FGGY: variants seen among roughly 807,000 people sequenced by gnomAD.
FGGY encodes the protein FGGY carbohydrate kinase domain containing, also known as FGGY carbohydrate kinase domain-containing protein.
FGGY carries 72 observed loss-of-function variants against 71.3 expected under a neutral mutation model. The observed-to-expected ratio is 1.01, with a 90% CI of 0.84 to 1.23. FGGY has a LOEUF of 1.23. Ranked by LOEUF, FGGY falls within the 50% of genes most tolerant of loss-of-function variation. FGGY has a pLI of 0.00. For missense variants in FGGY, 668 were observed against 682.3 expected, an observed-to-expected ratio of 0.98 and a Z score of 0.23; for synonymous variants, 251 against 250.3, an observed-to-expected ratio of 1.00 and a Z score of -0.02.
intron 7 of FGGY, among the ~76,000 whole-genome samples, chr1:59,549,665 C>A (rs1016334782): frequency 6.6e-5 from 10 of 152,118 alleles, no homozygotes; most frequent in African/African-American, 9.7e-5. Flanking sequence ...AACACAAATG[C>A]GAGAACTCAG....
rs1053125214 is a variant in FGGY, at chr1:59,384,438, A to G, written c.554+5601A>G. Among the ~76,000 whole-genome samples, 3 of 152,162 alleles carry G rather than the reference A, an allele frequency of 2.0e-5. No individual in the cohort carries two copies. The South Asian group carries it at 6.2e-4, about 32-fold the overall frequency. The stretch of plus-strand genomic sequence containing the variant: ...CTATTTCTACTTGCATATCAAGGTG[A>G]AACAAGGAACCCCTCTGAGCTTCCT... On this transcript the variant is annotated intron_variant, in intron 5 of 15. Coordinates refer to ENST00000303721, the MANE Select transcript of FGGY (RefSeq NM_018291.5).
At chr1:59,644,217 A>G (rs1045443985) in intron 11 of FGGY, among the ~76,000 whole-genome samples, 4 of 152,198 alleles carry the variant, frequency 2.6e-5, no homozygotes, top group Admixed American at 1.3e-4. Flanking sequence ...ACCTGGTTCT[A>G]ATGCCTTCCA....
chr1:59,530,024 T>G (rs1399786358), intron 7 of FGGY, among the ~76,000 whole-genome samples: 1 of 152,256 alleles, frequency 6.6e-6, no homozygotes, highest in Non-Finnish European at 1.5e-5. Flanking sequence ...TGGCAGAAGA[T>G]AATAATAACT....
At chr1:59,336,513 C>A (rs2049558022) in intron 2 of FGGY, among the ~76,000 whole-genome samples, 1 of 136,792 alleles carries the variant, frequency 7.3e-6, no homozygotes. Context: ...TTTTGGGATA[C>A]ATGTGCAGAA....
At chr1:59,735,784 T>A (rs2101070955) in intron 14 of FGGY, among the ~76,000 whole-genome samples, 1 of 152,346 alleles carries the variant, frequency 6.6e-6, no homozygotes, top group African/African-American at 2.4e-5. Context: ...GAAAAATAAA[T>A]CAAAATGACA....
At chr1:59,313,003 G>T (rs539978470) in intron 1 of FGGY, among the ~76,000 whole-genome samples, 48 of 152,248 alleles carry the variant, frequency 3.2e-4, no homozygotes, top group Non-Finnish European at 5.4e-4. Flanking sequence ...TTACAAATGG[G>T]CTCAGTAAAG....
intron 7 of FGGY, among the ~76,000 whole-genome samples, chr1:59,551,385 T>G (rs749571005): frequency 1.3e-5 from 2 of 152,210 alleles, no homozygotes; most frequent in African/African-American, 4.8e-5. Context: ...AATTCCCTTT[T>G]CGTATTGACT....
At chr1:59,350,176 T>G (rs543679193) in intron 4 of FGGY, among the ~76,000 whole-genome samples, 1 of 152,288 alleles carries the variant, frequency 6.6e-6, no homozygotes, top group East Asian at 1.9e-4. Context: ...TCTTCATTCT[T>G]TAATTCTTGG....
chr1:59,367,872 C>T (rs2056844955), intron 4 of FGGY, among the ~76,000 whole-genome samples: 1 of 152,162 alleles, frequency 6.6e-6, no homozygotes, highest in South Asian at 2.1e-4. Context: ...CTCCTCCCAA[C>T]AAATGCTGTG....
At chr1:59,717,687 A>G (rs1468558764) in intron 14 of FGGY, among the ~76,000 whole-genome samples, 2 of 152,182 alleles carry the variant, frequency 1.3e-5, no homozygotes, top group Non-Finnish European at 2.9e-5. Context: ...GTTGAGGGAC[A>G]TAAGACTTGA....
chr1:59,372,582 C>T (rs1345026725), intron 4 of FGGY, among the ~76,000 whole-genome samples: 1 of 152,036 alleles, frequency 6.6e-6, no homozygotes, highest in Admixed American at 6.6e-5. Context: ...ATCCTGATAC[C>T]AAAGCCTGGC....
At chr1:59,633,432 A>G (rs1572386449) in intron 10 of FGGY, among the ~76,000 whole-genome samples, 1 of 152,026 alleles carries the variant, frequency 6.6e-6, no homozygotes, top group Admixed American at 6.6e-5. Context: ...CTTATTTTCT[A>G]CCTCCCAACT....
At chr1:59,737,636 T>C (rs2098116927) in intron 14 of FGGY, among the ~76,000 whole-genome samples, 1 of 152,220 alleles carries the variant, frequency 6.6e-6, no homozygotes, top group African/African-American at 2.4e-5. Flanking sequence ...GGAATGGCTG[T>C]ATTTACCCAA....
At chr1:59,731,874 A>G (rs1349045002) in intron 14 of FGGY, among the ~76,000 whole-genome samples, 2 of 152,058 alleles carry the variant, frequency 1.3e-5, no homozygotes, top group Non-Finnish European at 2.9e-5. Context: ...TCTCTTCCCA[A>G]TGCCCTGTTT....
At chr1:59,441,628 G>A (rs775782585) in intron 5 of FGGY, among the ~76,000 whole-genome samples, 3 of 152,164 alleles carry the variant, frequency 2.0e-5, no homozygotes, top group Non-Finnish European at 4.4e-5. Flanking sequence ...TATTGGGTAT[G>A]TGCTATGTGA....
chr1:59,689,762 G>A (rs557676156), intron 14 of FGGY, among the ~76,000 whole-genome samples: 239 of 152,130 alleles, frequency 1.6e-3, no homozygotes, highest in Non-Finnish European at 2.6e-3. Context: ...TTTGTGTATA[G>A]GGTGTTATAA....
intron 14 of FGGY, among the ~76,000 whole-genome samples, chr1:59,724,107 G>A (rs2097919815): frequency 6.6e-6 from 1 of 151,698 alleles, no homozygotes; most frequent in African/African-American, 2.4e-5. Flanking sequence ...AGTTTGCAGT[G>A]AGCCAAGATT....
At chr1:59,703,726 A>G (rs903502861) in intron 14 of FGGY, among the ~76,000 whole-genome samples, 3 of 152,224 alleles carry the variant, frequency 2.0e-5, no homozygotes, top group African/African-American at 7.2e-5. Flanking sequence ...TTTAAAAGCA[A>G]GGAGCCAGAA....
At chr1:59,463,870 G>C (rs1001322272) in intron 6 of FGGY, among the ~76,000 whole-genome samples, 5 of 152,096 alleles carry the variant, frequency 3.3e-5, no homozygotes, top group African/African-American at 9.7e-5. Context: ...TAAAGCAAGT[G>C]CTTAGAGACC....
Sources: allele counts gnomAD v4.1 joint callset (sites outside exome capture counted in the v4.1 genomes callset), GRCh38; gene constraint gnomAD v4.1.1; transcripts MANE v1.5; gene names NCBI Gene and HGNC (gene_info 2026-07-23, HGNC 2026-07-21).